The following DNTT variants were observed in gnomAD, a reference collection of about 807,000 sequenced individuals.
DNTT encodes DNA nucleotidylexotransferase, also known as nucleosidetriphosphate:DNA deoxynucleotidylexotransferase.
A neutral mutation model predicts 60.9 loss-of-function variants in DNTT; 47 were observed. The ratio of observed to expected loss-of-function variants is 0.77; its 90% CI spans 0.61 to 0.98. The LOEUF (loss-of-function observed/expected upper bound fraction) is 0.98. Ranked by LOEUF, DNTT falls within the 50% of genes least tolerant of loss-of-function variation. The pLI is 0.00. For missense variants in DNTT, 665 were observed against 627.5 expected, an observed-to-expected ratio of 1.06 and a Z score of -0.64; for synonymous variants, 224 against 221.2, an observed-to-expected ratio of 1.01 and a Z score of -0.11.
chr10:96,324,259 A>G lies in DNTT; in HGVS notation c.751-7A>G, dbSNP rs1169056663. On this transcript the variant is annotated splice_region_variant and splice_polypyrimidine_tract_variant and intron_variant, in intron 5 of 10. Coordinates refer to ENST00000371174, the MANE Select transcript of DNTT (RefSeq NM_004088.4). Reference sequence around the variant, plus strand: ...AGACTGATGGCATGCCTTTCCCTCCATTTTAGCTCTTTACTTCTGTATTTG... The same window carrying G: ...AGACTGATGGCATGCCTTTCCCTCCGTTTTAGCTCTTTACTTCTGTATTTG... 3.7e-6 allele frequency: 6 copies of G among 1,611,520 alleles called. No homozygotes were observed. The highest frequency in any genetic ancestry group is 5.1e-6 in the Non-Finnish European group (6 of 1,178,272).
intron 8 of DNTT, among the ~76,000 whole-genome samples, chr10:96,329,115 CCAAT>C (rs917853902): frequency 1.5e-4 from 23 of 152,158 alleles, no homozygotes; most frequent in African/African-American, 5.3e-4. Context: ...ATTAAAGCAC[CCAAT>C]CAAAGTGAAA....
In DNTT at chr10:96,316,639, A is replaced by G. The variant is rs1392638960; in HGVS notation, c.204-1713A>G. Among the ~76,000 whole-genome samples, 3 of 152,020 alleles carry G rather than the reference A, an allele frequency of 2.0e-5. No individual in the cohort carries two copies. In the East Asian group the frequency reaches 5.8e-4, roughly 29 times the overall value. ...CTCCTCCCTGTCCTTCTGGCCCCTG[A>G]CCCTTTTCTTCCAGGAGAACCCTAA... On this transcript the variant is annotated intron_variant, in intron 1 of 10. Transcript: ENST00000371174.
At chr10:96,336,354 T>C (rs1018874291) in intron 10 of DNTT, among the ~76,000 whole-genome samples, 2 of 152,098 alleles carry the variant, frequency 1.3e-5, no homozygotes, top group Non-Finnish European at 2.9e-5. Context: ...CAGTGGCATT[T>C]TGAGTGGCCA....
chr10:96,326,412 T>C (rs1047757347), intron 6 of DNTT, among the ~76,000 whole-genome samples: 4 of 152,240 alleles, frequency 2.6e-5, no homozygotes, highest in African/African-American at 9.6e-5. Context: ...TTTATAGGTG[T>C]ATTCATATGA....
intron 7 of DNTT, among the ~76,000 whole-genome samples, chr10:96,328,027 T>C (rs1844959097): frequency 6.6e-6 from 1 of 152,182 alleles, no homozygotes; most frequent in Admixed American, 6.5e-5. Context: ...CTGTGTGTGG[T>C]TTCTCCACTA....
chr10:96,323,290 C>G (rs1844902221), intron 5 of DNTT, among the ~76,000 whole-genome samples: 1 of 152,100 alleles, frequency 6.6e-6, no homozygotes, highest in Non-Finnish European at 1.5e-5. Flanking sequence ...TAGAGTGAGA[C>G]TGTCTCAAAA....
chr10:96,324,340 T>G lies in DNTT; in HGVS notation c.825T>G (p.Ser275Arg), dbSNP rs1844915176. The stretch of plus-strand genomic sequence containing the variant: ...TCAGGATGGGTTTCAGAACTCTGAG[T>G]AAAGTAAGGTCGGACAAAAGCCTGA... ...KWFRMGFRTL[S>R]KVRSDKSLKF... Residue 275 changes from serine (S) to arginine (R), a missense_variant, in exon 6 of 11, where the codon AGT becomes AGG. Coordinates refer to ENST00000371174, the MANE Select transcript of DNTT (RefSeq NM_004088.4). The G allele has an allele frequency of 2.5e-6, 4 of 1,613,710 alleles. No individual in the cohort carries two copies. In the Admixed American group the frequency reaches 5.0e-5, roughly 20 times the overall value.
At chr10:96,307,362 T>G (rs752773450) in intron 1 of DNTT, among the ~76,000 whole-genome samples, 12,722 of 134,570 alleles carry the variant, frequency 0.095, 567 homozygotes, top group South Asian at 0.16. Flanking sequence ...TTTTTTTTTT[T>G]TTTTTTTTTT....
At chr10:96,304,750 A>G in intron 1 of DNTT, 50 bp downstream of exon 1, 1 of 1,579,514 alleles carries the variant, frequency 6.3e-7, no homozygotes, top group East Asian at 2.3e-5. Context: ...CTTTGTGAAC[A>G]GCTTCTTGGG....
intron 8 of DNTT, 65 bp from the exon 9 acceptor site, chr10:96,332,286 C>A: frequency 6.4e-7 from 1 of 1,566,392 alleles, no homozygotes. Flanking sequence ...CATTAAGAAT[C>A]CAGTGTTAAA....
chr10:96,309,457 G>A (rs1418910801), intron 1 of DNTT, among the ~76,000 whole-genome samples: 1 of 148,096 alleles, frequency 6.8e-6, no homozygotes, highest in Non-Finnish European at 1.5e-5. Context: ...GTTTGAACAA[G>A]TTTTCTTTAA....
In DNTT at chr10:96,307,343, G is replaced by GTTT. The variant is rs533516556; in HGVS notation, c.203+2672_203+2674dup. On this transcript the variant is annotated intron_variant, in intron 1 of 10. Coordinates refer to ENST00000371174, the MANE Select transcript of DNTT (RefSeq NM_004088.4). ...CTGTTTTTATTTTCTGGGTTTTCCAGTTTTTTTTTTTTTTTTTTTTTTTTT... is the reference window on the plus strand; with the variant it reads ...CTGTTTTTATTTTCTGGGTTTTCCAGTTTTTTTTTTTTTTTTTTTTTTTTTTTT... Among the ~76,000 whole-genome samples, 25 of 67,594 alleles carry GTTT rather than the reference G, an allele frequency of 3.7e-4. 2 individuals carry two copies. Among genetic ancestry groups the GTTT allele is most frequent in the African/African-American group, 1.5e-3 (23 of 15,552 alleles). 44.3% of individuals were successfully genotyped at this position (67,594 alleles called of 152,430 possible).
At chr10:96,307,026 C>T (rs3789937) in intron 1 of DNTT, among the ~76,000 whole-genome samples, 20,534 of 152,232 alleles carry the variant, frequency 0.13, 1,537 homozygotes, top group African/African-American at 0.18. Flanking sequence ...TCTCTCCCGA[C>T]TGATTTTAAT....
intron 2 of DNTT, 77 bp downstream of exon 2, chr10:96,318,603 G>A: frequency 6.6e-7 from 1 of 1,520,934 alleles, no homozygotes; most frequent in Admixed American, 2.1e-5. Flanking sequence ...ACGGAGCTGG[G>A]GTAAACCCTA....
intron 1 of DNTT, among the ~76,000 whole-genome samples, chr10:96,310,219 C>T (rs931083193): frequency 6.6e-6 from 1 of 152,200 alleles, no homozygotes. Context: ...AACACTGGGG[C>T]CTCTTTCCTA....
In DNTT at chr10:96,306,108, T is replaced by TTTTG. The variant is rs1554920133; in HGVS notation, c.203+1409_203+1412dup. Reference sequence around the variant, plus strand: ...AAAAAATAGATTTTTTTTTTTTTTTTTTTGAGACAGAGTCTTGCTCTGTTG... The same window carrying TTTTG: ...AAAAAATAGATTTTTTTTTTTTTTTTTTTGTTTGAGACAGAGTCTTGCTCTGTTG... On this transcript the variant is annotated intron_variant, in intron 1 of 10. Transcript: ENST00000371174. Among the ~76,000 whole-genome samples, 204 of 150,556 alleles carry TTTTG rather than the reference T, an allele frequency of 1.4e-3. 1 individual carries two copies. Among genetic ancestry groups the TTTTG allele is most frequent in the Admixed American group, 3.6e-3 (54 of 15,180 alleles).
intron 1 of DNTT, among the ~76,000 whole-genome samples, chr10:96,309,123 G>A (rs776926584): frequency 6.6e-5 from 10 of 152,144 alleles, no homozygotes; most frequent in Non-Finnish European, 1.2e-4. Context: ...CTACCTAGCC[G>A]TTTAACACTT....
intron 1 of DNTT, among the ~76,000 whole-genome samples, chr10:96,313,201 C>T (rs1255934193): frequency 6.6e-6 from 1 of 152,174 alleles, no homozygotes; most frequent in African/African-American, 2.4e-5. Flanking sequence ...AGATTGAATT[C>T]ACTGATATTT....
chr10:96,311,541 T>C (rs933070445), intron 1 of DNTT, among the ~76,000 whole-genome samples: 4 of 152,252 alleles, frequency 2.6e-5, no homozygotes, highest in African/African-American at 4.8e-5. Flanking sequence ...GTTAATTCCA[T>C]AACCCAGGGC....
Sources: gnomAD v4.1 joint callset for allele counts (sites outside exome capture counted in the v4.1 genomes callset) on GRCh38, gnomAD v4.1.1 for gene constraint, MANE v1.5 for transcripts, NCBI Gene and HGNC (gene_info 2026-07-23, HGNC 2026-07-21) for gene names.